The following NFIA variants were observed in gnomAD, a reference collection of about 807,000 sequenced individuals.
The protein encoded by NFIA is nuclear factor I A.
A neutral mutation model predicts 62.8 loss-of-function variants in NFIA; 8 were observed. The observed-to-expected ratio is 0.13, with a 90% confidence interval of 0.07 to 0.23. The LOEUF is 0.23. NFIA is among the 10% of genes least tolerant of loss of function. The probability of loss-of-function intolerance (pLI) is 1.00; values close to 1 mark genes in which losing one functional copy is unlikely to be tolerated. For synonymous variants in NFIA, 235 were observed against 238.1 expected (o/e 0.99, Z 0.12); for missense variants, 410 against 642.1 (o/e 0.64, Z 3.91).
At chr1:61,268,604 A>T (rs1264073257) in intron 2 of NFIA, among the ~76,000 whole-genome samples, 1 of 152,142 alleles carries the variant, frequency 6.6e-6, no homozygotes. Context: ...GTCATAGCTA[A>T]ATTGAATAAA....
chr1:61,089,285 A>G (rs188440048), intron 2 of NFIA, among the ~76,000 whole-genome samples: 1 of 152,350 alleles, frequency 6.6e-6, no homozygotes, highest in Admixed American at 6.5e-5. Context: ...TGGAGAGGTT[A>G]ATATTAAAAA....
At chr1:61,089,726 A>C (rs891017132) in intron 2 of NFIA, among the ~76,000 whole-genome samples, 4 of 135,224 alleles carry the variant, frequency 3.0e-5, no homozygotes, top group Non-Finnish European at 6.2e-5. Flanking sequence ...CAAAGGAGAG[A>C]TGTTACCTGT....
At chr1:61,451,496 G>A (rs1190629143) in intron 10 of NFIA, among the ~76,000 whole-genome samples, 1 of 152,136 alleles carries the variant, frequency 6.6e-6, no homozygotes, top group Non-Finnish European at 1.5e-5. Flanking sequence ...GTCCTGGACT[G>A]CAGATTTCTT....
At chr1:61,177,099 C>CT (rs1187194772) in intron 2 of NFIA, among the ~76,000 whole-genome samples, 1 of 142,156 alleles carries the variant, frequency 7.0e-6, no homozygotes, top group Non-Finnish European at 1.5e-5. Flanking sequence ...GAGCGAGACT[C>CT]TGTCTCAACC....
chr1:61,140,589 G>T (rs959663837), intron 2 of NFIA, among the ~76,000 whole-genome samples: 1 of 151,894 alleles, frequency 6.6e-6, no homozygotes, highest in Non-Finnish European at 1.5e-5. Context: ...TTATAAAATA[G>T]CCTGGGATAT....
intron 10 of NFIA, among the ~76,000 whole-genome samples, chr1:61,443,724 C>T (rs534117557): frequency 5.9e-5 from 9 of 152,306 alleles, no homozygotes; most frequent in African/African-American, 2.2e-4. Context: ...AGATAAACTC[C>T]AATTCAGAGA....
At position 61,396,941 on chromosome 1, in the gene NFIA, G is replaced by C. The variant is rs559083124; in HGVS notation, c.1076-7163G>C. 4.6e-5 allele frequency among the ~76,000 whole-genome samples: 7 copies of C among 152,066 alleles called. No homozygotes were observed. The South Asian group carries it at 1.5e-3, about 32-fold the overall frequency. ...TGCTTGAACCCAGAAGGTGGAGGTT[G>C]CAGTGAGCCGAGATTGCGCCACTGC... On this transcript the variant is annotated intron_variant, in intron 7 of 10. Coordinates refer to ENST00000403491, the MANE Select transcript of NFIA (RefSeq NM_001134673.4).
At chr1:61,286,784 G>A (rs1658529848) in intron 3 of NFIA, among the ~76,000 whole-genome samples, 1 of 152,218 alleles carries the variant, frequency 6.6e-6, no homozygotes, top group Admixed American at 6.5e-5. Flanking sequence ...AAGGGAGGAT[G>A]TGGGTACTGT....
At chr1:61,217,492 C>G (rs1221047842) in intron 2 of NFIA, among the ~76,000 whole-genome samples, 1 of 152,052 alleles carries the variant, frequency 6.6e-6, no homozygotes, top group Non-Finnish European at 1.5e-5. Flanking sequence ...ACTTTTTTCT[C>G]CTTAGCATTC....
chr1:61,185,843 GT>G (rs1415671695), intron 2 of NFIA, among the ~76,000 whole-genome samples: 2 of 151,834 alleles, frequency 1.3e-5, no homozygotes, highest in Admixed American at 1.3e-4. Context: ...GTCTAAAATT[GT>G]CCTTCCTGTT....
rs114128775 is a variant in NFIA, at chr1:61,372,777, A to G, written c.947-10460A>G. On this transcript the variant is annotated intron_variant, in intron 6 of 10. Transcript: ENST00000403491. ...GTTCATACATTTTGTTTTGCAAAAT[A>G]TCAGTATAGTGAACATACTTGAATT... Among the ~76,000 whole-genome samples the G allele has an allele frequency of 3.5e-3, 530 of 152,244 alleles. 2 individuals carry two copies. The highest frequency in any genetic ancestry group is 0.012 in the African/African-American group (505 of 41,558).
chr1:61,378,538 T>C (rs1664259592), intron 6 of NFIA, among the ~76,000 whole-genome samples: 1 of 147,334 alleles, frequency 6.8e-6, no homozygotes, highest in African/African-American at 2.6e-5. Flanking sequence ...TCGTCTTATA[T>C]TTGAATATCA....
At chr1:61,350,529 C>T (rs927734816) in intron 4 of NFIA, among the ~76,000 whole-genome samples, 3 of 152,070 alleles carry the variant, frequency 2.0e-5, no homozygotes, top group East Asian at 1.9e-4. Context: ...CCAGCTATTC[C>T]GGAGGCTGAG....
intron 7 of NFIA, among the ~76,000 whole-genome samples, chr1:61,400,515 GATGC>G (rs1471835245): frequency 3.9e-5 from 6 of 152,158 alleles, no homozygotes. Context: ...GATACAGATG[GATGC>G]ACTGCAATAA....
At chr1:61,332,628 G>A in intron 4 of NFIA, 42 bp downstream of exon 4, 1 of 1,574,144 alleles carries the variant, frequency 6.4e-7, no homozygotes, top group South Asian at 1.1e-5. Context: ...ATTTGCCTTG[G>A]TTTGTGCTTA....
intron 2 of NFIA, among the ~76,000 whole-genome samples, chr1:61,195,413 C>G (rs751848614): frequency 6.6e-6 from 1 of 152,086 alleles, no homozygotes; most frequent in African/African-American, 2.4e-5. Context: ...TAATTTTGTT[C>G]AATCGTTTGT....
intron 10 of NFIA, among the ~76,000 whole-genome samples, chr1:61,427,171 A>G (rs901093999): frequency 6.6e-6 from 1 of 152,208 alleles, no homozygotes; most frequent in Non-Finnish European, 1.5e-5. Flanking sequence ...AGGACTGCTC[A>G]GACATCCAGA....
chr1:61,205,958 C>T (rs1381991095), intron 2 of NFIA, among the ~76,000 whole-genome samples: 1 of 145,006 alleles, frequency 6.9e-6, no homozygotes, highest in African/African-American at 2.6e-5. Context: ...GCTGTGTCAC[C>T]CATGCTGGAG....
chr1:61,342,250 T>TA (rs1319861418), intron 4 of NFIA, among the ~76,000 whole-genome samples: 1 of 152,158 alleles, frequency 6.6e-6, no homozygotes, highest in Admixed American at 6.5e-5. Context: ...ACTCTGTTGA[T>TA]ACGGTTTGGT....
Sources: gnomAD v4.1 joint callset for allele counts (sites outside exome capture counted in the v4.1 genomes callset) on GRCh38, gnomAD v4.1.1 for gene constraint, MANE v1.5 for transcripts, NCBI Gene and HGNC (gene_info 2026-07-23, HGNC 2026-07-21) for gene names.